The following HHAT variants were observed in gnomAD, a reference collection of about 807,000 sequenced individuals.
The protein encoded by HHAT is protein-cysteine N-palmitoyltransferase HHAT.
In HHAT, 47 loss-of-function variants were observed where a neutral mutation model predicts 70.8. That is an observed-to-expected ratio of 0.66 (90% CI 0.53 to 0.85). The LOEUF (loss-of-function observed/expected upper bound fraction) is 0.85. Among genes scored for constraint, HHAT ranks in the 40% least tolerant of loss-of-function variants. The pLI is 0.00. For synonymous variants in HHAT, 228 were observed against 247.6 expected (o/e 0.92, Z 0.74); for missense variants, 609 against 604.8 (o/e 1.01, Z -0.07).
At chr1:210,416,062 A>G (rs753143562) in intron 6 of HHAT, among the ~76,000 whole-genome samples, 24 of 152,354 alleles carry the variant, frequency 1.6e-4, no homozygotes, top group Admixed American at 1.2e-3. Flanking sequence ...TGTAATGCCA[A>G]TGAGCCGACC....
intron 9 of HHAT, among the ~76,000 whole-genome samples, chr1:210,547,763 A>G (rs1186076307): frequency 1.3e-5 from 2 of 152,158 alleles, no homozygotes; most frequent in African/African-American, 4.8e-5. Context: ...TTTAATTTAT[A>G]CATTTGACCA....
chr1:210,430,701 A>G (rs1367445403), intron 7 of HHAT, among the ~76,000 whole-genome samples: 4 of 151,916 alleles, frequency 2.6e-5, no homozygotes, highest in Non-Finnish European at 4.4e-5. Context: ...GTGGAGGTAT[A>G]CTGAGTGCTC....
At chr1:210,384,989 A>G (rs1343376162) in intron 3 of HHAT, among the ~76,000 whole-genome samples, 1 of 152,190 alleles carries the variant, frequency 6.6e-6, no homozygotes, top group Non-Finnish European at 1.5e-5. Context: ...TATTTCCTTT[A>G]AATGAATGTT....
At chr1:210,575,813 G>A (rs533967696) in intron 9 of HHAT, among the ~76,000 whole-genome samples, 5 of 152,310 alleles carry the variant, frequency 3.3e-5, no homozygotes, top group Non-Finnish European at 5.9e-5. Flanking sequence ...GTGTAAACCT[G>A]TATAAGGACT....
In HHAT at chr1:210,535,488, A is replaced by C. The variant is rs2095362501; in HGVS notation, c.1043+22300A>C. Among the ~76,000 whole-genome samples the C allele has an allele frequency of 3.3e-5, 5 of 151,506 alleles. No individual in the cohort carries two copies. In the South Asian group the frequency reaches 1.0e-3, roughly 32 times the overall value. Reference sequence around the variant, plus strand: ...ATAATATAAATAATCTGTCTTTCATAGTTGATGATTCTCTGGACATTGGCT... The same window carrying C: ...ATAATATAAATAATCTGTCTTTCATCGTTGATGATTCTCTGGACATTGGCT... On this transcript the variant is annotated intron_variant, in intron 9 of 11. Transcript: ENST00000261458.
rs776978010 is a variant in HHAT at position 210,348,943 on chromosome 1, C to T, written c.-33C>T. ...GTCTCTGTTTCTCAGAAACTCTCAG[C>T]GTAGGCATCGGGAACCTTCGTGCCA... On this transcript the variant is annotated 5_prime_UTR_variant, in exon 2 of 12. Transcript: ENST00000261458. 23 of 1,609,696 alleles carry T rather than the reference C, an allele frequency of 1.4e-5. No individual in the cohort carries two copies. The highest frequency in any genetic ancestry group is 1.2e-4 in the Admixed American group (7 of 58,976).
chr1:210,351,735 A>G (rs1362526508), intron 2 of HHAT, among the ~76,000 whole-genome samples: 3 of 152,116 alleles, frequency 2.0e-5, no homozygotes, highest in Non-Finnish European at 4.4e-5. Context: ...GTGGAGTACT[A>G]TGGTCCTCTC....
At chr1:210,658,998 A>G (rs923946164) in intron 11 of HHAT, among the ~76,000 whole-genome samples, 2 of 152,244 alleles carry the variant, frequency 1.3e-5, no homozygotes. Context: ...AAGATCTAAA[A>G]TCGACATCCT....
chr1:210,526,225 T>TAA (rs2095242637), intron 9 of HHAT, among the ~76,000 whole-genome samples: 1 of 152,118 alleles, frequency 6.6e-6, no homozygotes, highest in African/African-American at 2.4e-5. Context: ...GTGGCAGACA[T>TAA]GGTTGAGTCC....
chr1:210,503,836 A>G (rs151224935), intron 8 of HHAT, among the ~76,000 whole-genome samples: 245 of 152,346 alleles, frequency 1.6e-3, no homozygotes, highest in Admixed American at 4.4e-3. Context: ...AAAAAGCAAG[A>G]TGAATTTAGA....
intron 2 of HHAT, among the ~76,000 whole-genome samples, chr1:210,351,278 C>T (rs1438009560): frequency 6.6e-6 from 1 of 152,076 alleles, no homozygotes; most frequent in Admixed American, 6.6e-5. Context: ...CTATTTAGAC[C>T]CTCAATGGAT....
chr1:210,645,329 G>C (rs1302381818), intron 11 of HHAT, among the ~76,000 whole-genome samples: 9 of 152,116 alleles, frequency 5.9e-5, no homozygotes, highest in Admixed American at 5.9e-4. Context: ...CCAGGCTGAA[G>C]TTCGGTGGCA....
At chr1:210,401,323 G>A (rs779658061) in intron 5 of HHAT, among the ~76,000 whole-genome samples, 2 of 152,038 alleles carry the variant, frequency 1.3e-5, no homozygotes, top group African/African-American at 2.4e-5. Flanking sequence ...CATGTTGGCC[G>A]GGCTGGCCTC....
intron 9 of HHAT, among the ~76,000 whole-genome samples, chr1:210,513,629 T>C (rs2094999616): frequency 6.6e-6 from 1 of 152,240 alleles, no homozygotes; most frequent in African/African-American, 2.4e-5. Context: ...TGGCAGTTTA[T>C]ATCCTAGTTT....
At chr1:210,661,636 A>G (rs148928549) in intron 11 of HHAT, among the ~76,000 whole-genome samples, 2,539 of 152,326 alleles carry the variant, frequency 0.017, 72 homozygotes, top group African/African-American at 0.057. Flanking sequence ...CAATAGCAAA[A>G]ACTTGGAACC....
At chr1:210,328,861 A>T (rs1262358559), upstream of HHAT, 3 of 454,922 alleles carry the variant, frequency 6.6e-6, no homozygotes, top group Non-Finnish European at 1.1e-5. Context: ...CATCGCCCGG[A>T]GAGCGCCGCG....
At chr1:210,375,263 A>G (rs150243028) in intron 3 of HHAT, among the ~76,000 whole-genome samples, 40 of 150,764 alleles carry the variant, frequency 2.7e-4, no homozygotes, top group Non-Finnish European at 1.6e-4. Context: ...AAAAACCACA[A>G]TGCTTTTAAA....
intron 10 of HHAT, among the ~76,000 whole-genome samples, chr1:210,596,557 C>A (rs951750000): frequency 5.9e-5 from 9 of 151,974 alleles, no homozygotes; most frequent in African/African-American, 2.2e-4. Flanking sequence ...AGCTCATCTT[C>A]AAGTGTGCTA....
chr1:210,400,422 C>T (rs537711975), intron 4 of HHAT, 46 bp from the exon 5 acceptor site: 3 of 1,521,124 alleles, frequency 2.0e-6, no homozygotes, highest in East Asian at 2.3e-5. Context: ...TTCCTCCCTC[C>T]CCTCTTCCTC....
Sources: gnomAD v4.1 joint callset for allele counts (sites outside exome capture counted in the v4.1 genomes callset) on GRCh38, gnomAD v4.1.1 for gene constraint, MANE v1.5 for transcripts, NCBI Gene and HGNC (gene_info 2026-07-23, HGNC 2026-07-21) for gene names.